The following RBM39 variants were observed in gnomAD, a reference collection of about 807,000 sequenced individuals.
RBM39 encodes RNA-binding protein 39.
RBM39 carries 12 observed loss-of-function variants against 79.6 expected under a neutral mutation model. That is an observed-to-expected ratio of 0.15 (90% CI 0.10 to 0.24). The LOEUF (loss-of-function observed/expected upper bound fraction) is 0.24. Among genes scored for constraint, RBM39 ranks in the 10% least tolerant of loss-of-function variants. The pLI is 1.00. For synonymous variants in RBM39, 185 were observed against 208.4 expected, an observed-to-expected ratio of 0.89 and a Z score of 0.97; for missense variants, 243 against 653.4, an observed-to-expected ratio of 0.37 and a Z score of 6.85.
At chr20:35,712,658 A>G (rs938668376) in intron 12 of RBM39, among the ~76,000 whole-genome samples, 1 of 152,112 alleles carries the variant, frequency 6.6e-6, no homozygotes, top group Non-Finnish European at 1.5e-5. Context: ...AATAGTTTTA[A>G]GTAAAGCTTT....
intron 10 of RBM39, 77 bp from the exon 11 acceptor site, chr20:35,714,466 A>G: frequency 6.3e-6 from 9 of 1,435,812 alleles, no homozygotes; most frequent in Non-Finnish European, 8.2e-6. Context: ...AAATATATTT[A>G]TATTTTTAGC....
intron 9 of RBM39, 114 bp from the exon 10 acceptor site, chr20:35,716,919 C>T (rs927752792): frequency 4.6e-6 from 3 of 653,680 alleles, no homozygotes; most frequent in African/African-American, 3.7e-5. Flanking sequence ...AAATAGAAGA[C>T]TTATCACAAA....
chr20:35,716,270 C>T (rs2037118875), intron 10 of RBM39, among the ~76,000 whole-genome samples: 1 of 152,084 alleles, frequency 6.6e-6, no homozygotes, highest in South Asian at 2.1e-4. Context: ...GACGGGGTTT[C>T]GCCATGTTGG....
chr20:35,733,836 CAA>C (rs1331349300), intron 3 of RBM39, among the ~76,000 whole-genome samples: 6 of 152,168 alleles, frequency 3.9e-5, no homozygotes, highest in African/African-American at 9.6e-5. Flanking sequence ...CCAAAAAAGC[CAA>C]ACATATCTTT....
intron 9 of RBM39, among the ~76,000 whole-genome samples, chr20:35,721,068 G>C (rs2037875388): frequency 6.6e-6 from 1 of 152,124 alleles, no homozygotes; most frequent in East Asian, 1.9e-4. Context: ...GGCCTCCCGA[G>C]TAGCTGGGAA....
In RBM39 at chr20:35,725,094, G is replaced by A. The variant is rs1600528775; in HGVS notation, c.478C>T (p.Leu160=). ...TCCCTTGGTCGAATTCTTGCCGCCA[G>A]CTGCATACAGAAGACTGTCCTTGCA... ...RDARTVFCMQ[L]AARIRPRDLE... The change falls in exon 7 of 17, where the codon CTG becomes TTG. Residue 160 remains leucine (L), a synonymous_variant. Coordinates refer to ENST00000253363, the MANE Select transcript of RBM39 (RefSeq NM_184234.3). 1 of 1,611,748 alleles carries A rather than the reference G, an allele frequency of 6.2e-7. No individual in the cohort carries two copies. Among genetic ancestry groups the A allele is most frequent in the Non-Finnish European group, 8.5e-7 (1 of 1,179,740 alleles).
chr20:35,722,558 G>A lies in RBM39; in HGVS notation c.688-681C>T, dbSNP rs536196779. Among the ~76,000 whole-genome samples, 13 of 141,794 alleles carry A rather than the reference G, an allele frequency of 9.2e-5. No individual in the cohort carries two copies. In the East Asian group the frequency reaches 2.7e-3, roughly 30 times the overall value. 93.0% of individuals were successfully genotyped at this position (141,794 alleles called of 152,430 possible). The stretch of plus-strand genomic sequence containing the variant: ...TCATCCTTCCTTCTCATCCACTAGA[G>A]ACTGCCAGGGACTACAGCACACCCC... On this transcript the variant is annotated intron_variant, in intron 8 of 16. Coordinates refer to ENST00000253363, the MANE Select transcript of RBM39 (RefSeq NM_184234.3).
At position 35,721,886 on chromosome 20, in the gene RBM39, C is replaced by A; in HGVS notation, c.688-9G>T. The stretch of plus-strand genomic sequence containing the variant: ...GCTCTGTTTTTTTCTGCCTAGAAGA[C>A]AAAATACACGTCACACAGAGATAAC... On this transcript the variant is annotated splice_polypyrimidine_tract_variant and intron_variant, in intron 8 of 16. Transcript: ENST00000253363. 1 of 1,612,094 alleles carries A rather than the reference C, an allele frequency of 6.2e-7. No individual in the cohort carries two copies. The highest frequency in any genetic ancestry group is 8.5e-7 in the Non-Finnish European group (1 of 1,178,386).
chr20:35,737,609 T>A (rs1209003388), intron 3 of RBM39, among the ~76,000 whole-genome samples: 1 of 151,402 alleles, frequency 6.6e-6, no homozygotes, highest in Non-Finnish European at 1.5e-5. Context: ...ACACCTGTAA[T>A]CCCAGCACTT....
At chr20:35,722,421 TAAAA>T (rs1284227161) in intron 8 of RBM39, among the ~76,000 whole-genome samples, 53 of 90,246 alleles carry the variant, frequency 5.9e-4, no homozygotes, top group Admixed American at 3.4e-3. Context: ...AAAATAAAAA[TAAAA>T]AAAAAAATAA....
At chr20:35,739,118 TA>T in intron 2 of RBM39, 101 bp from the exon 3 acceptor site, 1 of 977,010 alleles carries the variant, frequency 1.0e-6, no homozygotes, top group Non-Finnish European at 1.6e-6. Context: ...AAAACAATTT[TA>T]AAACTAATTA....
chr20:35,734,663 C>T (rs17093035), intron 3 of RBM39: 16,516 of 472,660 alleles, frequency 0.035, 372 homozygotes, highest in African/African-American at 0.077. Flanking sequence ...AACTTAAGGT[C>T]TTCTAGGACT....
rs557365616 is a variant in RBM39, at chr20:35,709,954, T to C, written c.1175-680A>G. Among the ~76,000 whole-genome samples, 35 of 152,176 alleles carry C rather than the reference T, an allele frequency of 2.3e-4. No individual in the cohort carries two copies. The South Asian group carries it at 6.8e-3, about 30-fold the overall frequency. On this transcript the variant is annotated intron_variant, in intron 12 of 16. Transcript: ENST00000253363. The stretch of plus-strand genomic sequence containing the variant: ...TTAAAAGCTATGAAGTTTAGGAAAA[T>C]GAAAACATCTAATCAGTATTAAAAA...
chr20:35,719,408 A>G (rs556961056), intron 9 of RBM39, among the ~76,000 whole-genome samples: 1 of 152,282 alleles, frequency 6.6e-6, no homozygotes, highest in African/African-American at 2.4e-5. Flanking sequence ...TGGCACTGAA[A>G]ACCTAAAATG....
chr20:35,739,662 T>TA, intron 2 of RBM39: 2 of 366,712 alleles, frequency 5.5e-6, no homozygotes, highest in South Asian at 4.2e-5. Context: ...CATACCTGTT[T>TA]ACATGGAATT....
At chr20:35,714,475 G>C in intron 10 of RBM39, 86 bp from the exon 11 acceptor site, 1 of 1,413,316 alleles carries the variant, frequency 7.1e-7, no homozygotes, top group South Asian at 1.7e-5. Flanking sequence ...TATATTTTTA[G>C]CATATTCAAT....
rs2035377348 is a variant in RBM39 at position 35,703,294 on chromosome 20, A to C, written c.*1187T>G. ...AGTTTGAAGTTAAGCCATTTTGTTA[A>C]GTATGTATTGTAAATGGTGAAAATT... On this transcript the variant is annotated 3_prime_UTR_variant, in exon 17 of 17. Coordinates refer to ENST00000253363, the MANE Select transcript of RBM39 (RefSeq NM_184234.3). 6.6e-6 allele frequency: 1 copy of C among 152,220 alleles called. No individual in the cohort carries two copies. Among genetic ancestry groups the C allele is most frequent in the Admixed American group, 6.5e-5 (1 of 15,282 alleles). 9.4% of individuals were successfully genotyped at this position (152,220 alleles called of 1,614,324 possible). A position where few individuals can be genotyped will look rare whatever the true frequency, so the allele number is the denominator to read the frequency against.
intron 2 of RBM39, chr20:35,740,565 A>G: frequency 1.4e-6 from 2 of 1,424,760 alleles, no homozygotes; most frequent in Non-Finnish European, 1.9e-6. Flanking sequence ...AGGTGAATTC[A>G]TGGGAGTAGA....
chr20:35,714,947 A>T (rs2036917956), intron 10 of RBM39, among the ~76,000 whole-genome samples: 1 of 152,194 alleles, frequency 6.6e-6, no homozygotes, highest in South Asian at 2.1e-4. Context: ...CACTAAAGTT[A>T]CTAGAATAAA....
Sources: allele counts gnomAD v4.1 joint callset (sites outside exome capture counted in the v4.1 genomes callset), GRCh38; gene constraint gnomAD v4.1.1; transcripts MANE v1.5; gene names NCBI Gene and HGNC (gene_info 2026-07-23, HGNC 2026-07-21).